The following ZNF385C variants were observed in gnomAD, a reference collection of about 807,000 sequenced individuals.
The protein encoded by ZNF385C is CTD-2132N18.2.
In ZNF385C, 28 loss-of-function variants were observed where a neutral mutation model predicts 35.4. That is an observed-to-expected ratio of 0.79 (90% CI 0.59 to 1.08). ZNF385C has a LOEUF of 1.08. ZNF385C is among the 50% of genes least tolerant of loss of function. The pLI is 0.00. For synonymous variants in ZNF385C, 248 were observed against 248.2 expected, an observed-to-expected ratio of 1.00 and a Z score of 0.01; for missense variants, 605 against 595.6, an observed-to-expected ratio of 1.02 and a Z score of -0.16.
intron 1 of ZNF385C, among the ~76,000 whole-genome samples, chr17:42,077,327 T>C (rs782813218): frequency 2.0e-5 from 3 of 152,106 alleles, no homozygotes; most frequent in Non-Finnish European, 2.9e-5. Flanking sequence ...AAGTACCCCA[T>C]ATAATATGTG....
At chr17:42,057,501 CGCGCGCGCGCGCGT>C (rs1482715522) in intron 2 of ZNF385C, among the ~76,000 whole-genome samples, 2,255 of 143,772 alleles carry the variant, frequency 0.016, 59 homozygotes, top group African/African-American at 0.058. Flanking sequence ...GGGGTGTGCG[CGCGCGCGCGCGCGT>C]GTGTGTGTGT....
At chr17:42,029,132 G>C (rs770772361) in intron 5 of ZNF385C, 59 bp from the exon 6 acceptor site, 36 of 1,501,260 alleles carry the variant, frequency 2.4e-5, no homozygotes, top group Non-Finnish European at 2.9e-5. Flanking sequence ...ACGATCTTCA[G>C]CTCTGACCAT....
chr17:42,028,768 C>T lies in ZNF385C; in HGVS notation c.967+15G>A, dbSNP rs1027884392. On this transcript the variant is annotated intron_variant, in intron 6 of 8. Coordinates refer to ENST00000692273, the MANE Select transcript of ZNF385C (RefSeq NM_001392013.1). Reference sequence around the variant, plus strand: ...CCCACCCTTTCCCTGGGCTCCAGCTCCTGGGACTACTGACCTGTGTTGTGA... The same window carrying T: ...CCCACCCTTTCCCTGGGCTCCAGCTTCTGGGACTACTGACCTGTGTTGTGA... The T allele has an allele frequency of 3.9e-6, 6 of 1,541,586 alleles. No homozygotes were observed. The Admixed American group carries it at 1.2e-4, about 30-fold the overall frequency.
intron 1 of ZNF385C, among the ~76,000 whole-genome samples, chr17:42,083,161 C>G (rs1381219453): frequency 2.0e-5 from 3 of 152,078 alleles, no homozygotes; most frequent in African/African-American, 4.8e-5. Context: ...TTTTTGCTTG[C>G]CAGCATAATT....
intron 2 of ZNF385C, among the ~76,000 whole-genome samples, chr17:42,052,824 C>A (rs2053308445): frequency 6.6e-6 from 1 of 152,206 alleles, no homozygotes. Flanking sequence ...AAGAGCATAT[C>A]TCCAAACAGA....
chr17:42,036,287 C>T (rs1315237054), intron 3 of ZNF385C, among the ~76,000 whole-genome samples: 2 of 152,198 alleles, frequency 1.3e-5, no homozygotes, highest in African/African-American at 4.8e-5. Context: ...GCATGAGCCA[C>T]TGCACCTAGC....
At position 42,074,893 on chromosome 17, in the gene ZNF385C, A is replaced by G. The variant is rs140384436; in HGVS notation, c.-2-11835T>C. 2.9e-3 allele frequency among the ~76,000 whole-genome samples: 439 copies of G among 152,332 alleles called. 3 individuals are homozygous for G. Among genetic ancestry groups the G allele is most frequent in the Middle Eastern group, 0.014 (4 of 294 alleles). On this transcript the variant is annotated intron_variant, in intron 1 of 8. Coordinates refer to ENST00000692273, the MANE Select transcript of ZNF385C (RefSeq NM_001392013.1). ...TTAGAGGTCATCCCATCTCTTTTGT[A>G]GCAGCTTTGACAAGGTATCCTCTGG...
intron 2 of ZNF385C, among the ~76,000 whole-genome samples, chr17:42,054,828 T>C (rs913314016): frequency 1.2e-4 from 18 of 152,110 alleles, no homozygotes; most frequent in African/African-American, 3.9e-4. Flanking sequence ...ATGATCCACC[T>C]GCCTTGGCCT....
At position 42,037,892 on chromosome 17, in the gene ZNF385C, G is replaced by A. The variant is rs782189487; in HGVS notation, c.251-7C>T. ...GCGCCGGAGGCCGGGCCTGCTGCAG[G>A]AGGAAGAAGGGCAGGGTCTGAAATG... is the stretch of plus-strand genomic sequence containing the variant. On this transcript the variant is annotated splice_polypyrimidine_tract_variant and splice_region_variant and intron_variant, in intron 2 of 8. Coordinates refer to ENST00000692273, the MANE Select transcript of ZNF385C (RefSeq NM_001392013.1). 5.9e-6 allele frequency: 9 copies of A among 1,533,244 alleles called. No individual in the cohort carries two copies. The highest frequency in any genetic ancestry group is 1.2e-5 in the South Asian group (1 of 81,836). The allele number at this position is 1,533,244 out of a possible 1,614,324, so 95.0% of individuals were successfully genotyped here.
chr17:42,094,219 G>A (rs1467455832), intron 1 of ZNF385C, among the ~76,000 whole-genome samples: 1 of 152,140 alleles, frequency 6.6e-6, no homozygotes, highest in Non-Finnish European at 1.5e-5. Context: ...CTGACCTCAG[G>A]TGATCCACCC....
At chr17:42,072,013 C>G (rs1434407360) in intron 1 of ZNF385C, among the ~76,000 whole-genome samples, 2 of 152,060 alleles carry the variant, frequency 1.3e-5, no homozygotes, top group African/African-American at 4.8e-5. Context: ...ACATTCTGCA[C>G]GTTGGGGGTA....
intron 6 of ZNF385C, 104 bp from the exon 7 acceptor site, chr17:42,028,350 G>C: frequency 1.7e-6 from 2 of 1,200,622 alleles, no homozygotes; most frequent in Non-Finnish European, 2.3e-6. Flanking sequence ...TAAGCCTCAC[G>C]GCTGCTCTGT....
chr17:42,040,556 G>GCAGGGC, intron 2 of ZNF385C: 1 of 1,233,056 alleles, frequency 8.1e-7, no homozygotes, highest in Non-Finnish European at 1.0e-6. Context: ...GTGAACTGGC[G>GCAGGGC]CAGGGCCAGG....
In ZNF385C at chr17:42,095,620, TA is replaced by T. The variant is rs1374389533; in HGVS notation, c.-3+2789del. Among the ~76,000 whole-genome samples the T allele has an allele frequency of 9.4e-5, 14 of 149,490 alleles. No individual in the cohort carries two copies. Among genetic ancestry groups the T allele is most frequent in the African/African-American group, 2.4e-4 (10 of 40,882 alleles). ...TTCCCTCTCAAGCATCACAGGACAT[TA>T]AAAAAAAAATTGTCCCAGTTTTGTG... On this transcript the variant is annotated intron_variant, in intron 1 of 8. Coordinates refer to ENST00000692273, the MANE Select transcript of ZNF385C (RefSeq NM_001392013.1). This position sits in a 1 kb window ranked among gnomAD's most constrained non-coding sequence, Gnocchi z 4.4.
intron 1 of ZNF385C, among the ~76,000 whole-genome samples, chr17:42,081,558 G>T (rs1008930598): frequency 3.9e-5 from 6 of 151,910 alleles, no homozygotes; most frequent in African/African-American, 1.5e-4. Flanking sequence ...TATTTTTAAA[G>T]TAGAGTCGGG....
intron 1 of ZNF385C, among the ~76,000 whole-genome samples, chr17:42,083,650 A>G (rs2053773229): frequency 6.7e-6 from 1 of 149,978 alleles, no homozygotes; most frequent in Non-Finnish European, 1.5e-5. Context: ...AAAAAACTAA[A>G]CTTTAAAAGA....
chr17:42,044,637 A>T (rs545330213), intron 2 of ZNF385C, among the ~76,000 whole-genome samples: 1 of 152,160 alleles, frequency 6.6e-6, no homozygotes, highest in South Asian at 2.1e-4. Context: ...AAAAGAAAGA[A>T]AAGAAATCAG....
chr17:42,065,165 G>A (rs1296444545), intron 1 of ZNF385C: 1 of 152,144 alleles, frequency 6.6e-6, no homozygotes, highest in Non-Finnish European at 1.5e-5. Context: ...TATGACTGGT[G>A]TCTTTATAAG....
intron 1 of ZNF385C, among the ~76,000 whole-genome samples, chr17:42,088,324 C>T (rs931240172): frequency 1.3e-5 from 2 of 152,268 alleles, no homozygotes; most frequent in Admixed American, 1.3e-4. Context: ...TTCTCTCTTC[C>T]AGCACCCCCA....
Sources: allele counts gnomAD v4.1 joint callset (sites outside exome capture counted in the v4.1 genomes callset), GRCh38; gene constraint gnomAD v4.1.1; non-coding constraint Gnocchi (gnomAD v3.1); transcripts MANE v1.5; gene names NCBI Gene and HGNC (gene_info 2026-07-23, HGNC 2026-07-21).